Variants in DIAPH2 observed in about 807,000 individuals in gnomAD.
The protein encoded by DIAPH2 is diaphanous related formin 2.
A neutral mutation model predicts 92.7 loss-of-function variants in DIAPH2; 35 were observed. The observed-to-expected ratio is 0.38, with a 90% CI of 0.29 to 0.50. DIAPH2 has a LOEUF of 0.50. DIAPH2 is among the 20% of genes least tolerant of loss of function. DIAPH2 has a pLI of 0.94. For synonymous variants in DIAPH2, 301 were observed against 280.4 expected (o/e 1.07, Z -0.73); for missense variants, 701 against 819.5 (o/e 0.86, Z 1.77).
chrX:96,900,867 G>C (rs1174807200), intron 5 of DIAPH2, among the ~76,000 whole-genome samples: 2 of 111,993 alleles, frequency 1.8e-5, no homozygotes, highest in Admixed American at 9.5e-5. Context: ...CAGTTAGCTA[G>C]TATTTTGTTG....
chrX:96,938,917 A>G (rs898806731), intron 11 of DIAPH2, among the ~76,000 whole-genome samples: 8 of 111,836 alleles, frequency 7.2e-5, no homozygotes, highest in African/African-American at 2.6e-4. Flanking sequence ...TAGGTCCTCT[A>G]TCACAACTAC....
intron 16 of DIAPH2, 40 bp from the exon 17 acceptor site, chrX:96,965,053 G>T (rs753809610): frequency 7.9e-6 from 9 of 1,133,277 alleles, no homozygotes; most frequent in Non-Finnish European, 9.4e-6. Context: ...TAAATATGAG[G>T]TTATAATTTA....
intron 24 of DIAPH2, among the ~76,000 whole-genome samples, chrX:97,359,460 G>A (rs911601927): frequency 1.2e-4 from 13 of 109,183 alleles, no homozygotes; most frequent in African/African-American, 2.0e-4. Flanking sequence ...GTGTGTGTGC[G>A]TGTGTGTATT....
At position 96,765,839 on chromosome X, in the gene DIAPH2, G is replaced by A. The variant is rs909901374; in HGVS notation, c.447+7581G>A. On this transcript the variant is annotated intron_variant, in intron 4 of 26. Transcript: ENST00000324765. Reference sequence around the variant, plus strand: ...TCTTCTATCTGCATAGGAACACTTGGCAATTCCTTCATGCCTTATTCTTTA... The same window carrying A: ...TCTTCTATCTGCATAGGAACACTTGACAATTCCTTCATGCCTTATTCTTTA... 3.6e-5 allele frequency among the ~76,000 whole-genome samples: 4 copies of A among 110,950 alleles called. No individual in the cohort carries two copies. The East Asian group carries it at 1.1e-3, about 32-fold the overall frequency.
At chrX:96,792,575 A>G (rs2064509161) in intron 4 of DIAPH2, among the ~76,000 whole-genome samples, 1 of 112,308 alleles carries the variant, frequency 8.9e-6, no homozygotes, top group African/African-American at 3.2e-5. Context: ...TATGTCCCAG[A>G]GGGTTTTATT....
intron 26 of DIAPH2, among the ~76,000 whole-genome samples, chrX:97,595,303 A>G (rs1427703002): frequency 2.7e-5 from 3 of 112,461 alleles, no homozygotes; most frequent in African/African-American, 9.7e-5. Context: ...TAATGGGTTT[A>G]GTCCATTTAC....
rs183255407 is a variant in DIAPH2 at position 96,952,177 on chromosome X, T to C, written c.1614+3138T>C. 1.6e-3 allele frequency among the ~76,000 whole-genome samples: 180 copies of C among 111,785 alleles called. 1 individual carries two copies. The highest frequency in any genetic ancestry group is 5.1e-3 in the African/African-American group (158 of 30,897). ...AGTAAAATTAAAATAATTTTACATA[T>C]TTTAATCTTGTCTTTCTTTCTAACC... On this transcript the variant is annotated intron_variant, in intron 15 of 26. Transcript: ENST00000324765.
intron 21 of DIAPH2, among the ~76,000 whole-genome samples, chrX:97,134,386 G>T (rs764321735): frequency 2.7e-5 from 3 of 111,800 alleles, no homozygotes; most frequent in Non-Finnish European, 5.6e-5. Context: ...CTTTTTATAT[G>T]TAAAAGCAGT....
chrX:96,871,698 A>G (rs2065144357), intron 4 of DIAPH2, among the ~76,000 whole-genome samples: 1 of 111,627 alleles, frequency 9.0e-6, no homozygotes, highest in East Asian at 2.8e-4. Flanking sequence ...AAAGGAAACC[A>G]ATCATATTAA....
rs151174658 is a variant in DIAPH2, at chrX:97,233,546, A to G, written c.2720-14169A>G. Among the ~76,000 whole-genome samples, 875 of 112,010 alleles carry G rather than the reference A, an allele frequency of 7.8e-3. 11 individuals carry two copies. Among genetic ancestry groups the G allele is most frequent in the African/African-American group, 0.027 (831 of 30,807 alleles). On this transcript the variant is annotated intron_variant, in intron 22 of 26. Transcript: ENST00000324765. ...GAGTATCATTTTAAAGCCCATGGTA[A>G]TGACAAAGAGATCAGTTATTTAGGA...
chrX:96,837,577 G>T (rs2064907611), intron 4 of DIAPH2, among the ~76,000 whole-genome samples: 3 of 110,227 alleles, frequency 2.7e-5, no homozygotes, highest in African/African-American at 9.9e-5. Flanking sequence ...GCTCCACTGG[G>T]GCAGGAACTA....
At chrX:97,311,639 C>G (rs758499844) in intron 23 of DIAPH2, among the ~76,000 whole-genome samples, 1 of 110,939 alleles carries the variant, frequency 9.0e-6, no homozygotes, top group Admixed American at 9.6e-5. Context: ...GCCAGCTGAT[C>G]CATCAAGTGC....
At chrX:96,857,664 G>A (rs904468534) in intron 4 of DIAPH2, among the ~76,000 whole-genome samples, 6 of 112,058 alleles carry the variant, frequency 5.4e-5, no homozygotes, top group African/African-American at 1.9e-4. Flanking sequence ...AATAACGAGC[G>A]TTTTCTTTAA....
chrX:97,195,208 A>G (rs1361318777), intron 22 of DIAPH2, among the ~76,000 whole-genome samples: 2 of 112,157 alleles, frequency 1.8e-5, no homozygotes, highest in Non-Finnish European at 3.8e-5. Context: ...AGATAGCTGA[A>G]ATATATATAA....
At chrX:97,477,286 G>A (rs972216370) in intron 26 of DIAPH2, among the ~76,000 whole-genome samples, 4 of 109,110 alleles carry the variant, frequency 3.7e-5, no homozygotes, top group African/African-American at 1.3e-4. Flanking sequence ...AGCAGAGATC[G>A]TGCAACTGCA....
intron 26 of DIAPH2, among the ~76,000 whole-genome samples, chrX:97,546,170 C>T (rs1438962195): frequency 1.8e-5 from 2 of 111,264 alleles, no homozygotes; most frequent in Admixed American, 9.5e-5. Flanking sequence ...TCCTCCCTCT[C>T]CCCAAATGAA....
chrX:97,424,435 A>G (rs1388652274), intron 25 of DIAPH2, among the ~76,000 whole-genome samples: 2 of 111,447 alleles, frequency 1.8e-5, no homozygotes, highest in African/African-American at 6.5e-5. Flanking sequence ...GACGTACAAG[A>G]TATCTGTGGC....
intron 23 of DIAPH2, among the ~76,000 whole-genome samples, chrX:97,277,314 G>T (rs1280030100): frequency 9.0e-6 from 1 of 110,905 alleles, no homozygotes; most frequent in Non-Finnish European, 1.9e-5. Context: ...CTCCAGCCTG[G>T]GCGACAGAGT....
intron 26 of DIAPH2, among the ~76,000 whole-genome samples, chrX:97,445,822 G>T (rs1017916854): frequency 2.7e-5 from 3 of 110,306 alleles, no homozygotes; most frequent in African/African-American, 9.9e-5. Flanking sequence ...AGAAAAACTG[G>T]GGGGAAAAAT....
Sources: allele counts gnomAD v4.1 joint callset (sites outside exome capture counted in the v4.1 genomes callset), GRCh38; gene constraint gnomAD v4.1.1; transcripts MANE v1.5; gene names NCBI Gene and HGNC (gene_info 2026-07-23, HGNC 2026-07-21).